The following SYNDIG1 variants were observed in gnomAD, a reference collection of about 807,000 sequenced individuals.
SYNDIG1 encodes synapse differentiation inducing 1.
A neutral mutation model predicts 19.4 loss-of-function variants in SYNDIG1; 9 were observed. The observed-to-expected ratio is 0.46, with a 90% CI of 0.28 to 0.81. The LOEUF is 0.81. SYNDIG1 is among the 30% of genes least tolerant of loss of function. The probability of loss-of-function intolerance (pLI) is 0.12; values close to 1 mark genes in which losing one functional copy is unlikely to be tolerated. For synonymous variants in SYNDIG1, 141 were observed against 145.9 expected (o/e 0.97, Z 0.24); for missense variants, 311 against 343.3 (o/e 0.91, Z 0.74).
intron 2 of SYNDIG1, among the ~76,000 whole-genome samples, chr20:24,549,521 G>A (rs1314472016): frequency 6.6e-6 from 1 of 152,200 alleles, no homozygotes; most frequent in Non-Finnish European, 1.5e-5. Flanking sequence ...TTGCAGGACT[G>A]GAGCATGCAG....
chr20:24,506,857 G>C (rs991603337), intron 1 of SYNDIG1, among the ~76,000 whole-genome samples: 2 of 152,220 alleles, frequency 1.3e-5, no homozygotes, highest in African/African-American at 2.4e-5. Flanking sequence ...GGGCAGGTTT[G>C]AGTCACTCAC....
At chr20:24,555,627 C>T (rs932203829) in intron 2 of SYNDIG1, among the ~76,000 whole-genome samples, 2 of 152,158 alleles carry the variant, frequency 1.3e-5, no homozygotes, top group African/African-American at 4.8e-5. Flanking sequence ...GAGTGAGTTT[C>T]TTAATCCTGA....
intron 3 of SYNDIG1, among the ~76,000 whole-genome samples, chr20:24,650,449 C>G (rs2059459157): frequency 6.6e-6 from 1 of 152,250 alleles, no homozygotes; most frequent in Non-Finnish European, 1.5e-5. Context: ...TGCTCCCACG[C>G]AGTCATCACG....
intron 1 of SYNDIG1, among the ~76,000 whole-genome samples, chr20:24,539,292 T>G (rs1352650251): frequency 1.3e-5 from 2 of 152,200 alleles, no homozygotes; most frequent in Admixed American, 6.5e-5. Flanking sequence ...AGGTAAGGGT[T>G]CAACTTCATT....
intron 3 of SYNDIG1, among the ~76,000 whole-genome samples, chr20:24,644,372 C>A (rs1166816831): frequency 6.6e-6 from 1 of 152,228 alleles, no homozygotes; most frequent in Non-Finnish European, 1.5e-5. Flanking sequence ...TGCAATGTGG[C>A]CTTGCCCCTT....
chr20:24,524,048 A>G (rs771438007), intron 1 of SYNDIG1, among the ~76,000 whole-genome samples: 2 of 152,194 alleles, frequency 1.3e-5, no homozygotes, highest in African/African-American at 4.8e-5. Context: ...TGTGAGCTAC[A>G]TCTTCTGACT....
chr20:24,650,471 C>A (rs945275463), intron 3 of SYNDIG1, among the ~76,000 whole-genome samples: 2 of 152,354 alleles, frequency 1.3e-5, no homozygotes, highest in African/African-American at 4.8e-5. Context: ...ACGTAGTCAG[C>A]ACCATGGAGC....
intron 1 of SYNDIG1, among the ~76,000 whole-genome samples, chr20:24,527,488 T>G (rs921534605): frequency 6.6e-6 from 1 of 150,736 alleles, no homozygotes; most frequent in African/African-American, 2.4e-5. Context: ...TGGTCCAGAG[T>G]TGTTCTTTTC....
intron 3 of SYNDIG1, among the ~76,000 whole-genome samples, chr20:24,590,111 G>C (rs372538873): frequency 1.3e-5 from 2 of 152,356 alleles, no homozygotes; most frequent in South Asian, 4.1e-4. Context: ...GTGGAACTGG[G>C]AGAAACGTTT....
chr20:24,571,548 TTTATA>T (rs1409158532), intron 2 of SYNDIG1, among the ~76,000 whole-genome samples: 1 of 152,154 alleles, frequency 6.6e-6, no homozygotes, highest in African/African-American at 2.4e-5. Flanking sequence ...CAGATATACA[TTTATA>T]TTATATGAAG....
At chr20:24,528,198 C>CT (rs1484869115) in intron 1 of SYNDIG1, among the ~76,000 whole-genome samples, 1 of 152,196 alleles carries the variant, frequency 6.6e-6, no homozygotes, top group African/African-American at 2.4e-5. Flanking sequence ...TGTCCATTGA[C>CT]TTTTAATTTC....
chr20:24,617,435 C>T (rs1418913984), intron 3 of SYNDIG1, among the ~76,000 whole-genome samples: 5 of 152,250 alleles, frequency 3.3e-5, no homozygotes, highest in African/African-American at 9.6e-5. Context: ...GTGCCTTCCT[C>T]ACAGTCACAG....
At chr20:24,663,385 G>A (rs919664391) in intron 3 of SYNDIG1, among the ~76,000 whole-genome samples, 3 of 152,214 alleles carry the variant, frequency 2.0e-5, no homozygotes, top group African/African-American at 7.2e-5. Flanking sequence ...ACCAGCTTGA[G>A]CATGAGAGCT....
intron 3 of SYNDIG1, among the ~76,000 whole-genome samples, chr20:24,588,055 A>G (rs536955421): frequency 8.5e-5 from 13 of 152,300 alleles, no homozygotes; most frequent in African/African-American, 3.1e-4. Context: ...CACCTCCAGT[A>G]TGTTGTTTTG....
At chr20:24,589,562 C>T (rs930351368) in intron 3 of SYNDIG1, among the ~76,000 whole-genome samples, 8 of 152,200 alleles carry the variant, frequency 5.3e-5, no homozygotes, top group Non-Finnish European at 1.0e-4. Flanking sequence ...TGGGGGCAGC[C>T]GGGGACCAAA....
chr20:24,532,965 G>T (rs548621684), intron 1 of SYNDIG1, among the ~76,000 whole-genome samples: 1 of 152,278 alleles, frequency 6.6e-6, no homozygotes, highest in South Asian at 2.1e-4. Flanking sequence ...CTTGGAAAGG[G>T]GTTGGGGGGT....
chr20:24,661,377 A>G (rs2147401744), intron 3 of SYNDIG1, among the ~76,000 whole-genome samples: 4 of 135,760 alleles, frequency 2.9e-5, no homozygotes, highest in Admixed American at 7.4e-5. Context: ...CCGAGGGAAG[A>G]GGGAGGGAGG....
intron 3 of SYNDIG1, among the ~76,000 whole-genome samples, chr20:24,616,009 A>T (rs191653243): frequency 6.6e-6 from 1 of 152,284 alleles, no homozygotes; most frequent in African/African-American, 2.4e-5. Context: ...GTTTGTTGTG[A>T]CTTTGCACCA....
At chr20:24,498,728 A>G (rs2056363920) in intron 1 of SYNDIG1, among the ~76,000 whole-genome samples, 1 of 152,168 alleles carries the variant, frequency 6.6e-6, no homozygotes, top group Admixed American at 6.5e-5. Context: ...AGGCTTGTCC[A>G]TGTCACAGAG....
Sources: gnomAD v4.1 joint callset for allele counts (sites outside exome capture counted in the v4.1 genomes callset) on GRCh38, gnomAD v4.1.1 for gene constraint, MANE v1.5 for transcripts, NCBI Gene and HGNC (gene_info 2026-07-23, HGNC 2026-07-21) for gene names.